Variants in SLC6A5 observed in about 807,000 individuals in gnomAD.
SLC6A5 encodes the protein sodium- and chloride-dependent glycine transporter 2.
In SLC6A5, 58 loss-of-function variants were observed where a neutral mutation model predicts 90.5. The ratio of observed to expected loss-of-function variants is 0.64; its 90% CI spans 0.52 to 0.80. The LOEUF is 0.80. Among genes scored for constraint, SLC6A5 ranks in the 30% least tolerant of loss-of-function variants. The pLI is 0.00. For synonymous variants in SLC6A5, 427 were observed against 401.4 expected (o/e 1.06, Z -0.76); for missense variants, 1,015 against 1,017.6 (o/e 1.00, Z 0.03).
chr11:20,633,310 C>T (rs1360633078), intron 10 of SLC6A5, among the ~76,000 whole-genome samples: 2 of 152,158 alleles, frequency 1.3e-5, no homozygotes, highest in East Asian at 1.9e-4. Context: ...ACTTTGGTTC[C>T]CTTGCCCCTT....
chr11:20,618,154 C>T (rs906516918), intron 7 of SLC6A5, among the ~76,000 whole-genome samples: 3 of 152,184 alleles, frequency 2.0e-5, no homozygotes, highest in Non-Finnish European at 4.4e-5. Flanking sequence ...GGATTTCCTT[C>T]CTTTCCTCTC....
At position 20,611,832 on chromosome 11, in the gene SLC6A5, T is replaced by C. The variant is rs78823948; in HGVS notation, c.986-2847T>C. Reference sequence around the variant, plus strand: ...TTTGTGCAGCCCCTCCATCTGTCATTCTCTGTGTTATCAGCACATGAGCGT... The same window carrying C: ...TTTGTGCAGCCCCTCCATCTGTCATCCTCTGTGTTATCAGCACATGAGCGT... On this transcript the variant is annotated intron_variant, in intron 5 of 15. Transcript: ENST00000525748. Among the ~76,000 whole-genome samples the C allele has an allele frequency of 0.026, 4,015 of 152,022 alleles. 425 individuals are homozygous for C. In the East Asian group the frequency reaches 0.35, roughly 13 times the overall value.
At chr11:20,607,337 T>C in intron 4 of SLC6A5, 142 bp from the exon 5 acceptor site, 1 of 1,178,574 alleles carries the variant, frequency 8.5e-7, no homozygotes, top group Non-Finnish European at 1.3e-6. Flanking sequence ...TTCATATCCC[T>C]GGTAGACATA....
chr11:20,604,291 C>A lies in SLC6A5; in HGVS notation c.546C>A (p.Asp182Glu), dbSNP rs138199033. The stretch of plus-strand genomic sequence containing the variant: ...ATGTGCTTTTCCGCCCCCAGGAGGA[C>A]GAGCAAGGGGATGAGAATAAGGCCC... ...GSVATVATQE[D>E]EQGDENKARG... Residue 182 changes from aspartate (D) to glutamate (E), a missense_variant, in exon 3 of 16, where the codon GAC (aspartate) becomes GAA (glutamate). Physicochemically the swap from Asp to Glu is conservative, Grantham distance 45. Around this residue, in one of 3 missense-constraint regions of SLC6A5, gnomAD observed 567 missense variants for 507.3 expected, o/e 1.12. Transcript: ENST00000525748. 3.0e-5 allele frequency: 49 copies of A among 1,608,966 alleles called. No individual in the cohort carries two copies. The highest frequency in any genetic ancestry group is 4.2e-5 in the Non-Finnish European group (49 of 1,176,360).
chr11:20,633,678 A>G lies in SLC6A5; in HGVS notation c.1625-2629A>G, dbSNP rs149619308. ...CTCATAAGAAGACTAATAATGGTCT[A>G]TGTTTTCTGAGTTCATAGTATGTCC... On this transcript the variant is annotated intron_variant, in intron 10 of 15. Coordinates refer to ENST00000525748, the MANE Select transcript of SLC6A5 (RefSeq NM_004211.5). Among the ~76,000 whole-genome samples the G allele has an allele frequency of 4.5e-3, 688 of 152,292 alleles. 3 individuals carry two copies. The highest frequency in any genetic ancestry group is 6.9e-3 in the Non-Finnish European group (471 of 68,016).
At position 20,605,830 on chromosome 11, in the gene SLC6A5, C is replaced by T. The variant is rs147116150; in HGVS notation, c.680-1177C>T. Among the ~76,000 whole-genome samples, 802 of 152,340 alleles carry T rather than the reference C, an allele frequency of 5.3e-3. 4 individuals are homozygous for T. The highest frequency in any genetic ancestry group is 8.9e-3 in the Admixed American group (137 of 15,310). Reference sequence around the variant, plus strand: ...GGGTGGAGGGCTCGCCGCTCCTTTTCAGGAGCAGAGGAGGACTGCACAATC... The same window carrying T: ...GGGTGGAGGGCTCGCCGCTCCTTTTTAGGAGCAGAGGAGGACTGCACAATC... On this transcript the variant is annotated intron_variant, in intron 3 of 15. Coordinates refer to ENST00000525748, the MANE Select transcript of SLC6A5 (RefSeq NM_004211.5).
intron 5 of SLC6A5, among the ~76,000 whole-genome samples, chr11:20,612,404 T>C (rs1265188598): frequency 6.6e-6 from 1 of 152,226 alleles, no homozygotes; most frequent in Non-Finnish European, 1.5e-5. Context: ...CAAATGGAAC[T>C]CATTCAAGCT....
Position 20,628,160 on chromosome 11 carries a change from A to T in SLC6A5, c.1499+77A>T, listed in dbSNP as rs1565281442. The stretch of plus-strand genomic sequence containing the variant: ...AATGGACTGAGTTATCAGACACCTG[A>T]GGCCACATCCTCACATTTCATCTTA... On this transcript the variant is annotated intron_variant, in intron 9 of 15. Transcript: ENST00000525748. The T allele has an allele frequency of 3.4e-6, 4 of 1,163,384 alleles. No individual in the cohort carries two copies. In the East Asian group the frequency reaches 9.4e-5, roughly 27 times the overall value. 72.1% of individuals were successfully genotyped at this position (1,163,384 alleles called of 1,614,324 possible).
At chr11:20,603,544 T>A (rs1852518160) in intron 2 of SLC6A5, among the ~76,000 whole-genome samples, 1 of 152,202 alleles carries the variant, frequency 6.6e-6, no homozygotes, top group Admixed American at 6.5e-5. Context: ...GTAGCAAAAT[T>A]TAGACCAGAA....
chr11:20,648,665 C>T (rs72932986), intron 14 of SLC6A5, among the ~76,000 whole-genome samples: 21,735 of 152,210 alleles, frequency 0.14, 2,007 homozygotes, highest in Non-Finnish European at 0.21. Context: ...CCCTCTTCCC[C>T]GGATCCTAAC....
At chr11:20,599,804 C>G (rs1266991167) in intron 1 of SLC6A5, 129 bp downstream of exon 1, 1 of 1,056,412 alleles carries the variant, frequency 9.5e-7, no homozygotes, top group Admixed American at 1.7e-5. Context: ...ACGAGGAGAA[C>G]AATTCTCGCA....
At chr11:20,628,435 T>C (rs1480144815) in intron 9 of SLC6A5, among the ~76,000 whole-genome samples, 1 of 152,196 alleles carries the variant, frequency 6.6e-6, no homozygotes, top group Admixed American at 6.5e-5. Context: ...GTCTTCCCTC[T>C]GTGTGGGGCT....
rs1055583273 is a variant in SLC6A5, at chr11:20,656,972, G to A, written c.*2104G>A. The stretch of plus-strand genomic sequence containing the variant: ...CCAGCTGATACCTGGTAGAGTGAGA[G>A]GAGCCAGGAGGAATAACTTAGGCCT... On this transcript the variant is annotated 3_prime_UTR_variant, in exon 16 of 16. Transcript: ENST00000525748. 6.6e-6 allele frequency: 1 copy of A among 152,196 alleles called. No individual in the cohort carries two copies. Among genetic ancestry groups the A allele is most frequent in the Non-Finnish European group, 1.5e-5 (1 of 68,042 alleles). 9.4% of individuals were successfully genotyped at this position (152,196 alleles called of 1,614,324 possible).
Position 20,601,448 on chromosome 11 carries a change from C to G in SLC6A5, c.323C>G (p.Pro108Arg), listed in dbSNP as rs759697015. The stretch of plus-strand genomic sequence containing the variant: ...GCGCAAGGCGCGCAGGCCTCGCCCC[C>G]TCCCGGGAGCTCCGGGCCCGGCAAC... The part of the protein sequence containing the change: ...REAQGAQASP[P>R]PGSSGPGNAL... The change falls in exon 2 of 16, where the codon CCT (proline) becomes CGT (arginine). Residue 108 changes from proline to arginine, a missense_variant. By Grantham distance (103) the Pro-to-Arg change is moderately radical. Coordinates refer to ENST00000525748, the MANE Select transcript of SLC6A5 (RefSeq NM_004211.5). The G allele has an allele frequency of 1.4e-5, 23 of 1,608,356 alleles. No individual in the cohort carries two copies. In the African/African-American group the frequency reaches 1.7e-4, roughly 12 times the overall value.
chr11:20,639,098 C>T (rs1269455572), intron 13 of SLC6A5, among the ~76,000 whole-genome samples: 2 of 152,154 alleles, frequency 1.3e-5, no homozygotes, highest in Non-Finnish European at 2.9e-5. Context: ...ATCCTTCCTA[C>T]TGTCACAATA....
In SLC6A5 at chr11:20,629,761, G is replaced by A. The variant is rs1439720002; in HGVS notation, c.1500-930G>A. 6.2e-5 allele frequency among the ~76,000 whole-genome samples: 9 copies of A among 144,750 alleles called. 1 individual carries two copies. Among genetic ancestry groups the A allele is most frequent in the South Asian group, 2.1e-4 (1 of 4,652 alleles). 95.0% of individuals were successfully genotyped at this position (144,750 alleles called of 152,430 possible). A position where few individuals can be genotyped will look rare whatever the true frequency, so the allele number is the denominator to read the frequency against. On this transcript the variant is annotated intron_variant, in intron 9 of 15. Coordinates refer to ENST00000525748, the MANE Select transcript of SLC6A5 (RefSeq NM_004211.5). The stretch of plus-strand genomic sequence containing the variant: ...TTTTTTTTTTTTGAGATGGAGTTTC[G>A]CTCTTGTTGCCCAGGCTGGAGTGCA...
chr11:20,608,127 T>A (rs2133776181), intron 5 of SLC6A5, among the ~76,000 whole-genome samples: 1 of 152,324 alleles, frequency 6.6e-6, no homozygotes, highest in South Asian at 2.1e-4. Flanking sequence ...ATGGTCTAAT[T>A]CCTAGAGTCC....
chr11:20,650,522 C>T (rs1284011408), intron 14 of SLC6A5, among the ~76,000 whole-genome samples: 1 of 152,050 alleles, frequency 6.6e-6, no homozygotes, highest in African/African-American at 2.4e-5. Context: ...GTGGTATACA[C>T]AGAGTGAGAT....
chr11:20,604,196 G>A, intron 2 of SLC6A5, 90 bp from the exon 3 acceptor site: 2 of 1,488,706 alleles, frequency 1.3e-6, no homozygotes, highest in Non-Finnish European at 9.1e-7. Flanking sequence ...CTGCTTGCTG[G>A]GAAGGACCCC....
Sources: gnomAD v4.1 joint callset for allele counts (sites outside exome capture counted in the v4.1 genomes callset) on GRCh38, gnomAD v4.1.1 for gene constraint, gnomAD v4.1.1 regional missense constraint, MANE v1.5 for transcripts, NCBI Gene and HGNC (gene_info 2026-07-23, HGNC 2026-07-21) for gene names.